The following BRINP3 variants were observed in gnomAD, a reference collection of about 807,000 sequenced individuals.
The protein encoded by BRINP3 is BMP/retinoic acid inducible neural specific 3.
BRINP3 carries 19 observed loss-of-function variants against 71.0 expected under a neutral mutation model. That is an observed-to-expected ratio of 0.27 (90% CI 0.19 to 0.39). BRINP3 has a LOEUF of 0.39. Ranked by LOEUF, BRINP3 falls within the 10% of genes least tolerant of loss-of-function variation. The pLI, the probability that BRINP3 is intolerant of heterozygous loss-of-function variation, is 1.00. For synonymous variants in BRINP3, 380 were observed against 337.7 expected (o/e 1.13, Z -1.37); for missense variants, 959 against 940.8 (o/e 1.02, Z -0.25).
chr1:190,330,181 C>G, intron 2 of BRINP3, among the ~76,000 whole-genome samples: 1 of 151,750 alleles, frequency 6.6e-6, no homozygotes, highest in Admixed American at 6.6e-5. Flanking sequence ...AATAAACGAT[C>G]AACAGAATAA....
chr1:190,104,857 A>C (rs1652010305), intron 7 of BRINP3, among the ~76,000 whole-genome samples: 1 of 152,078 alleles, frequency 6.6e-6, no homozygotes, highest in African/African-American at 2.4e-5. Flanking sequence ...CAACCTTCTA[A>C]TCCTTTATTG....
At chr1:190,406,366 T>C (rs779909382) in intron 2 of BRINP3, among the ~76,000 whole-genome samples, 6 of 152,228 alleles carry the variant, frequency 3.9e-5, no homozygotes, top group Non-Finnish European at 5.9e-5. Context: ...CTATGGACCA[T>C]ATTTCATAAG....
chr1:190,448,479 GT>G (rs1675384803), intron 2 of BRINP3, among the ~76,000 whole-genome samples: 1 of 151,302 alleles, frequency 6.6e-6, no homozygotes. Flanking sequence ...GTGTGTGTGT[GT>G]GTGTGTGTGT....
At chr1:190,118,093 A>G (rs566638384) in intron 7 of BRINP3, among the ~76,000 whole-genome samples, 99 of 151,302 alleles carry the variant, frequency 6.5e-4, no homozygotes, top group African/African-American at 2.3e-3. Flanking sequence ...TGAATCCACT[A>G]TGTTTTAGTC....
At chr1:190,248,908 T>C (rs1659862510) in intron 4 of BRINP3, among the ~76,000 whole-genome samples, 1 of 151,836 alleles carries the variant, frequency 6.6e-6, no homozygotes. Flanking sequence ...TAATATATTA[T>C]TCTCAAAAGC....
Position 190,097,822 on chromosome 1 carries a change from ATTCATAAACCAAAACT to A in BRINP3, c.*180_*195del. 1.8e-6 allele frequency: 1 copy of A among 570,308 alleles called. No homozygotes were observed. The allele number at this position is 570,308 out of a possible 1,614,324, so 35.3% of individuals were successfully genotyped here. A position where few individuals can be genotyped will look rare whatever the true frequency, so the allele number is the denominator to read the frequency against. On this transcript the variant is annotated 3_prime_UTR_variant, in exon 8 of 8. Transcript: ENST00000367462. ...CTAGACTGGTGTCAGTATTTATGTCATTCATAAACCAAAACTGCTGTATAATATATTCATTGTCAGC... is the reference window on the plus strand; with the variant it reads ...CTAGACTGGTGTCAGTATTTATGTCAGCTGTATAATATATTCATTGTCAGC...
rs377656349 is a variant in BRINP3 at position 190,098,877 on chromosome 1, G to C, written c.1442C>G (p.Ser481Cys). The C allele has an allele frequency of 6.2e-7, 1 of 1,614,156 alleles. No individual in the cohort carries two copies. Among genetic ancestry groups the C allele is most frequent in the Non-Finnish European group, 8.5e-7 (1 of 1,180,048 alleles). Reference sequence around the variant, plus strand: ...TTCAAAGCCAATATAGTGATCGGTGGACTCGGCGACTTCAGGCTTGCAGAG... The same window carrying C: ...TTCAAAGCCAATATAGTGATCGGTGCACTCGGCGACTTCAGGCTTGCAGAG... ...QGLCKPEVAESTDHYIGFETD... is the reference protein window; with the variant it reads ...QGLCKPEVAECTDHYIGFETD... Residue 481 changes from serine (S) to cysteine (C), a missense_variant, in exon 8 of 8, where the codon TCC becomes TGC. Transcript: ENST00000367462.
At chr1:190,171,463 T>C (rs1167713684) in intron 6 of BRINP3, among the ~76,000 whole-genome samples, 1 of 152,140 alleles carries the variant, frequency 6.6e-6, no homozygotes, top group Non-Finnish European at 1.5e-5. Flanking sequence ...CATTAGTTTT[T>C]ATTCCTTTTC....
chr1:190,364,759 G>A (rs945783878), intron 2 of BRINP3, among the ~76,000 whole-genome samples: 1 of 151,948 alleles, frequency 6.6e-6, no homozygotes, highest in Non-Finnish European at 1.5e-5. Context: ...TTTTAATAAT[G>A]CTTGCAAAAC....
chr1:190,413,932 T>C (rs907063279), intron 2 of BRINP3, among the ~76,000 whole-genome samples: 4 of 152,172 alleles, frequency 2.6e-5, no homozygotes, highest in African/African-American at 7.2e-5. Flanking sequence ...CACATAAATA[T>C]TAAGATTATG....
At chr1:190,408,212 T>TA (rs1672428490) in intron 2 of BRINP3, among the ~76,000 whole-genome samples, 1 of 149,408 alleles carries the variant, frequency 6.7e-6, no homozygotes, top group East Asian at 2.0e-4. Flanking sequence ...TATTTTTTTT[T>TA]TTTTTGTATT....
chr1:190,131,805 T>G (rs1236091688), intron 7 of BRINP3, among the ~76,000 whole-genome samples: 3 of 152,098 alleles, frequency 2.0e-5, no homozygotes, highest in Non-Finnish European at 4.4e-5. Flanking sequence ...TTCTTTGAAT[T>G]TATGAGCTAG....
intron 7 of BRINP3, among the ~76,000 whole-genome samples, chr1:190,160,370 T>C (rs1427125899): frequency 1.3e-5 from 2 of 152,056 alleles, no homozygotes; most frequent in African/African-American, 4.8e-5. Context: ...TGTGCTTTTC[T>C]GCTCACTGTA....
chr1:190,120,977 T>C (rs551387180), intron 7 of BRINP3, among the ~76,000 whole-genome samples: 2 of 152,180 alleles, frequency 1.3e-5, no homozygotes, highest in Non-Finnish European at 2.9e-5. Flanking sequence ...TGACATATCA[T>C]GTAGAATTGA....
At chr1:190,116,341 G>A (rs1461799093) in intron 7 of BRINP3, among the ~76,000 whole-genome samples, 2 of 151,966 alleles carry the variant, frequency 1.3e-5, no homozygotes, top group African/African-American at 4.8e-5. Flanking sequence ...GTGTTATTCC[G>A]GCAAGTGGGA....
intron 7 of BRINP3, among the ~76,000 whole-genome samples, chr1:190,150,069 G>A (rs1319807944): frequency 2.6e-5 from 4 of 151,892 alleles, no homozygotes; most frequent in Non-Finnish European, 5.9e-5. Flanking sequence ...TCAGTGTTAG[G>A]GATTTGTGCT....
intron 7 of BRINP3, among the ~76,000 whole-genome samples, chr1:190,116,043 C>G (rs998477214): frequency 6.6e-6 from 1 of 152,138 alleles, no homozygotes; most frequent in East Asian, 1.9e-4. Flanking sequence ...ACGATAGACA[C>G]ATTCATCATC....
intron 2 of BRINP3, among the ~76,000 whole-genome samples, chr1:190,446,561 A>G (rs180931654): frequency 5.3e-4 from 81 of 152,238 alleles, no homozygotes; most frequent in African/African-American, 1.7e-3. Flanking sequence ...ATTGTAAGTG[A>G]TTTTTGCAGA....
At chr1:190,443,348 T>C (rs1310145043) in intron 2 of BRINP3, among the ~76,000 whole-genome samples, 1 of 147,830 alleles carries the variant, frequency 6.8e-6, no homozygotes, top group Non-Finnish European at 1.5e-5. Context: ...GAGCTTGCAG[T>C]GAGCCGAGAT....
Sources: gnomAD v4.1 joint callset for allele counts (sites outside exome capture counted in the v4.1 genomes callset) on GRCh38, gnomAD v4.1.1 for gene constraint, MANE v1.5 for transcripts, NCBI Gene and HGNC (gene_info 2026-07-23, HGNC 2026-07-21) for gene names.